Variants in KLHDC4 observed in about 807,000 individuals in gnomAD.
KLHDC4 encodes the protein kelch domain-containing protein 4.
Under a neutral mutation model 62.4 loss-of-function variants are expected in KLHDC4, and 90 were observed. The ratio of observed to expected loss-of-function variants is 1.44; its 90% CI spans 1.22 to 1.72. The LOEUF (loss-of-function observed/expected upper bound fraction) is 1.72, where lower values mean the gene tolerates loss of function less well. KLHDC4 is among the 40% of genes most tolerant of loss of function. The pLI, the probability that KLHDC4 is intolerant of heterozygous loss-of-function variation, is 0.00. For missense variants in KLHDC4, 1,025 were observed against 699.7 expected, an observed-to-expected ratio of 1.47 and a Z score of -5.25; for synonymous variants, 386 against 284.4, an observed-to-expected ratio of 1.36 and a Z score of -3.59.
Position 87,755,216 on chromosome 16 carries a change from G to A in KLHDC4, c.347C>T (p.Pro116Leu). 2 of 1,610,636 alleles carry A rather than the reference G, an allele frequency of 1.2e-6. No homozygotes were observed. The highest frequency in any genetic ancestry group is 1.7e-6 in the Non-Finnish European group (2 of 1,176,934). Reference protein sequence around the residue: ...TWTKVDIPSPPPRRCAHQAVV... With the variant: ...TWTKVDIPSPLPRRCAHQAVV... ...TACCTGGTGAGCACAGCGCCTCGGAGGTGGACTGGGGATGTCAACTTTGGT... is the reference window on the plus strand; with the variant it reads ...TACCTGGTGAGCACAGCGCCTCGGAAGTGGACTGGGGATGTCAACTTTGGT... The change falls in exon 4 of 12, where the codon CCT becomes CTT. Residue 116 changes from proline to leucine, a missense_variant. Physicochemically the swap from Pro to Leu is moderately conservative, Grantham distance 98. Coordinates refer to ENST00000270583, the MANE Select transcript of KLHDC4 (RefSeq NM_017566.4).
intron 7 of KLHDC4, 99 bp from the exon 8 acceptor site, chr16:87,714,672 A>AG: frequency 7.8e-7 from 1 of 1,277,128 alleles, no homozygotes; most frequent in Non-Finnish European, 1.1e-6. Context: ...AAGGGGCTGG[A>AG]GGCCTTCCCT....
chr16:87,704,205 G>A (rs140376619), downstream of KLHDC4, among the ~76,000 whole-genome samples: 111 of 152,332 alleles, frequency 7.3e-4, 1 homozygote, highest in Admixed American at 1.3e-4. Context: ...GTCTCGCCTC[G>A]TCACCTGAAC....
At chr16:87,706,745 C>A (rs1370629859), downstream of KLHDC4, among the ~76,000 whole-genome samples, 2 of 152,194 alleles carry the variant, frequency 1.3e-5, no homozygotes, top group Non-Finnish European at 2.9e-5. Flanking sequence ...ACGTGCCCTG[C>A]TGTGCAAGAG....
chr16:87,713,238 C>T (rs550477218), intron 8 of KLHDC4, among the ~76,000 whole-genome samples: 4 of 151,718 alleles, frequency 2.6e-5, no homozygotes, highest in South Asian at 2.1e-4. Flanking sequence ...CTCGCTCTGT[C>T]GCCCAGGCTG....
chr16:87,701,656 C>G (rs1375230505), exon 1 of KLHDC4: 2 of 455,108 alleles, frequency 4.4e-6, no homozygotes, highest in Non-Finnish European at 4.4e-6. Flanking sequence ...CACTCGTCCG[C>G]CTCGTCCACT....
intron 4 of KLHDC4, among the ~76,000 whole-genome samples, chr16:87,749,352 G>A (rs530175668): frequency 1.3e-5 from 2 of 152,108 alleles, no homozygotes; most frequent in Admixed American, 1.3e-4. Flanking sequence ...TCAAGAAATA[G>A]AGACCATCCT....
At position 87,727,746 on chromosome 16, in the gene KLHDC4, C is replaced by G. The variant is rs560556478; in HGVS notation, c.600-822G>C. On this transcript the variant is annotated intron_variant, in intron 6 of 11. Transcript: ENST00000270583. ...TCTCCAGCTACTCAAAAAGGAGAGC[C>G]AAACTCATTTTTTAAGGAAAGCATG... 5.3e-5 allele frequency among the ~76,000 whole-genome samples: 8 copies of G among 152,276 alleles called. No homozygotes were observed. The East Asian group carries it at 1.2e-3, about 22-fold the overall frequency.
chr16:87,719,948 C>A (rs1025064683), intron 7 of KLHDC4, among the ~76,000 whole-genome samples: 1 of 152,220 alleles, frequency 6.6e-6, no homozygotes, highest in Non-Finnish European at 1.5e-5. Flanking sequence ...CCCCACCTCC[C>A]GCACAATGTA....
At chr16:87,713,829 C>A (rs1385427673) in intron 8 of KLHDC4, among the ~76,000 whole-genome samples, 1 of 152,170 alleles carries the variant, frequency 6.6e-6, no homozygotes, top group Non-Finnish European at 1.5e-5. Context: ...GATGATTGTT[C>A]CCCTGTGCTT....
rs1046971074 is a variant in KLHDC4, at chr16:87,765,834, G to T, written c.57C>A (p.Ala19=). The change falls in exon 1 of 12, where the codon GCC becomes GCA. Residue 19 remains alanine, a synonymous_variant. Coordinates refer to ENST00000270583, the MANE Select transcript of KLHDC4 (RefSeq NM_017566.4). ...GCTTAGACACCTTCTTCTCCATCTT[G>T]GCGGCCGTCTTCTCCGCGCCGCGGC... ...KKGRGAEKTA[A]KMEKKVSKRS... is the part of the protein sequence containing the mutation. 6.4e-7 allele frequency: 1 copy of T among 1,560,692 alleles called. No individual in the cohort carries two copies.
At chr16:87,738,638 TCATCCATCCACACACCAGCATCTCATC>T (rs2143011567) in intron 5 of KLHDC4, among the ~76,000 whole-genome samples, 1 of 117,078 alleles carries the variant, frequency 8.5e-6, no homozygotes, top group East Asian at 3.0e-4. Flanking sequence ...CACCAGCATC[TCATCCATCCACACACCAGCATCTCATC>T]CATCCACACA....
chr16:87,702,511 G>T (rs902459665), exon 1 of KLHDC4: 1 of 357,474 alleles, frequency 2.8e-6, no homozygotes, highest in Non-Finnish European at 5.6e-6. Flanking sequence ...AACTTCCCAG[G>T]CATGTCCGTG....
chr16:87,735,371 G>A lies in KLHDC4; in HGVS notation c.507-4727C>T, dbSNP rs529264717. Among the ~76,000 whole-genome samples the A allele has an allele frequency of 7.9e-5, 12 of 151,372 alleles. 1 individual carries two copies. The South Asian group carries it at 1.7e-3, about 21-fold the overall frequency. ...TCCAAGTCCGCTTCAAAAAATGACA[G>A]AGGAGAACCGAGCGCTGCCACTGCC... On this transcript the variant is annotated intron_variant, in intron 5 of 11. Coordinates refer to ENST00000270583, the MANE Select transcript of KLHDC4 (RefSeq NM_017566.4).
chr16:87,726,956 G>A (rs748131441), intron 6 of KLHDC4, 32 bp from the exon 7 acceptor site: 21 of 1,607,610 alleles, frequency 1.3e-5, no homozygotes, highest in East Asian at 2.2e-5. Flanking sequence ...GTCAGGGTCC[G>A]TAACATTGGG....
intron 5 of KLHDC4, among the ~76,000 whole-genome samples, chr16:87,735,931 G>C (rs560201371): frequency 6.6e-6 from 1 of 152,326 alleles, no homozygotes; most frequent in East Asian, 1.9e-4. Flanking sequence ...TACATGCTTA[G>C]GGTACAGTCA....
chr16:87,750,109 A>G (rs2043692869), intron 4 of KLHDC4: 1 of 152,238 alleles, frequency 6.6e-6, no homozygotes, highest in Non-Finnish European at 1.5e-5. Context: ...AGGGCCCCCA[A>G]GAACTGCGGG....
downstream of KLHDC4, chr16:87,703,458 A>C (rs1291115737): frequency 6.6e-6 from 1 of 152,536 alleles, no homozygotes; most frequent in Non-Finnish European, 1.5e-5. Context: ...GGACACAAAA[A>C]TAACCAGAGA....
intron 7 of KLHDC4, 101 bp from the exon 8 acceptor site, chr16:87,714,674 G>A (rs74377890): frequency 2.5e-5 from 32 of 1,255,806 alleles, no homozygotes; most frequent in African/African-American, 1.8e-4. Flanking sequence ...GGGGCTGGAG[G>A]CCTTCCCTGT....
At chr16:87,725,527 T>G (rs1488573796) in intron 7 of KLHDC4, among the ~76,000 whole-genome samples, 1 of 152,142 alleles carries the variant, frequency 6.6e-6, no homozygotes, top group Non-Finnish European at 1.5e-5. Flanking sequence ...CCCGTAAAAT[T>G]CTTTCAAAAG....
Sources: gnomAD v4.1 joint callset for allele counts (sites outside exome capture counted in the v4.1 genomes callset) on GRCh38, gnomAD v4.1.1 for gene constraint, MANE v1.5 for transcripts, NCBI Gene and HGNC (gene_info 2026-07-23, HGNC 2026-07-21) for gene names.